The following SPAG8 variants were observed in gnomAD, a reference collection of about 807,000 sequenced individuals.
The protein encoded by SPAG8 is sperm-associated antigen 8.
SPAG8 carries 36 observed loss-of-function variants against 45.3 expected under a neutral mutation model. The ratio of observed to expected loss-of-function variants is 0.80; its 90% confidence interval spans 0.61 to 1.05. SPAG8 has a LOEUF of 1.05. SPAG8 is among the 50% of genes least tolerant of loss of function. SPAG8 has a pLI of 0.00. For synonymous variants in SPAG8, 227 were observed against 232.6 expected (o/e 0.98, Z 0.22); for missense variants, 573 against 609.2 (o/e 0.94, Z 0.63).
chr9:35,808,635 C>T (rs747265881), downstream of SPAG8: 118 of 1,614,140 alleles, frequency 7.3e-5, 2 homozygotes, highest in South Asian at 9.4e-4. The surrounding 1 kb of genome is among the most constrained non-coding windows in gnomAD (Gnocchi z 4.0). Flanking sequence ...CTTTCGCATC[C>T]GCCACCGACC....
chr9:35,811,076 A>G lies in SPAG8; in HGVS notation c.865-19T>C. On this transcript the variant is annotated intron_variant, in intron 2 of 6. Transcript: ENST00000396638. ...TGGCTCTCTGTGGATCCCAAGTTGA[A>G]TGACTATAATATCCCTTCTGGTACC... The G allele has an allele frequency of 6.2e-7, 1 of 1,608,784 alleles. No homozygotes were observed. The highest frequency in any genetic ancestry group is 1.1e-5 in the South Asian group (1 of 90,302).
downstream of SPAG8, chr9:35,808,570 G>A (rs1423543656): frequency 2.5e-6 from 4 of 1,613,988 alleles, no homozygotes; most frequent in South Asian, 1.1e-5. The surrounding 1 kb of genome is among the most constrained non-coding windows in gnomAD (Gnocchi z 4.0). Flanking sequence ...AATGGTCAAC[G>A]CCATGCACCA....
chr9:35,810,363 C>G (rs1828715493), intron 5 of SPAG8, 54 bp from the exon 6 acceptor site: 2 of 1,606,030 alleles, frequency 1.2e-6, no homozygotes, highest in South Asian at 1.1e-5. Flanking sequence ...CTCTCAACCT[C>G]TGGGCTTGGT....
chr9:35,809,910 T>C lies in SPAG8; in HGVS notation c.*28A>G. On this transcript the variant is annotated 3_prime_UTR_variant, in exon 7 of 7. Coordinates refer to ENST00000396638, the MANE Select transcript of SPAG8 (RefSeq NM_001039592.2). This position sits in a 1 kb window ranked among gnomAD's most constrained non-coding sequence, Gnocchi z 4.1. Reference sequence around the variant, plus strand: ...AGTGCAGACAGAAATAGATTCCATATTCCATACCCCACTTCCCTCCTCACC... The same window carrying C: ...AGTGCAGACAGAAATAGATTCCATACTCCATACCCCACTTCCCTCCTCACC... 1.3e-6 allele frequency: 2 copies of C among 1,546,148 alleles called. No homozygotes were observed. The highest frequency in any genetic ancestry group is 1.7e-6 in the Non-Finnish European group (2 of 1,151,280).
chr9:35,810,101 G>A lies in SPAG8; in HGVS notation c.1295C>T (p.Pro432Leu). Reference protein sequence around the residue: ...GVSNIRTLDTPFRKNCSFSTP... With the variant: ...GVSNIRTLDTLFRKNCSFSTP... Reference sequence around the variant, plus strand: ...TGAGAAGCTGCAGTTCTTCCGGAATGGTGTGTCCAATGTCCTGATGTTACT... The same window carrying A: ...TGAGAAGCTGCAGTTCTTCCGGAATAGTGTGTCCAATGTCCTGATGTTACT... Residue 432 changes from proline (P) to leucine (L), a missense_variant, in exon 7 of 7, where the codon CCA becomes CTA. Transcript: ENST00000396638. 6.2e-7 allele frequency: 1 copy of A among 1,612,238 alleles called. No homozygotes were observed. Among genetic ancestry groups the A allele is most frequent in the African/African-American group, 1.3e-5 (1 of 75,018 alleles).
downstream of SPAG8, chr9:35,809,062 T>C (rs540758082): frequency 2.4e-6 from 3 of 1,241,910 alleles, no homozygotes; most frequent in East Asian, 6.9e-5. The surrounding 1 kb of genome is among the most constrained non-coding windows in gnomAD (Gnocchi z 4.1). Flanking sequence ...CAGGGATGGT[T>C]GGTCGGGCAC....
rs1178329813 is a variant in SPAG8, at chr9:35,811,205, G to A, written c.841C>T (p.Leu281Phe). The A allele has an allele frequency of 3.2e-6, 5 of 1,577,848 alleles. No individual in the cohort carries two copies. In the South Asian group the frequency reaches 4.7e-5, roughly 15 times the overall value. Residue 281 changes from leucine to phenylalanine, a missense_variant, in exon 2 of 7, where the codon CTC (leucine) becomes TTC (phenylalanine). By Grantham distance (22) the Leu-to-Phe change is conservative (BLOSUM62 0). Coordinates refer to ENST00000396638, the MANE Select transcript of SPAG8 (RefSeq NM_001039592.2). ...ACCTCTTCCTCCCAGTTGTAGAGGA[G>A]GCACTGGCCCCGCGGCAAAGTTTCA... is the stretch of plus-strand genomic sequence containing the variant. ...CYETLPRGQC[L>F]LYNWEEERAT...
chr9:35,811,723 T>C lies in SPAG8; in HGVS notation c.323A>G (p.His108Arg). Residue 108 changes from histidine (H) to arginine (R), a missense_variant, in exon 2 of 7, where the codon CAT becomes CGT. By Grantham distance (29) the His-to-Arg change is conservative. Coordinates refer to ENST00000396638, the MANE Select transcript of SPAG8 (RefSeq NM_001039592.2). Reference sequence around the variant, plus strand: ...GACGGGCTCAAAGCCAAGACTCCCATGGGCTATATTGTGGGTAAAGCCGGG... The same window carrying C: ...GACGGGCTCAAAGCCAAGACTCCCACGGGCTATATTGTGGGTAAAGCCGGG... ...AGPGFTHNIA[H>R]GSLGFEPVYV... is the part of the protein sequence containing the mutation. 1 of 1,614,224 alleles carries C rather than the reference T, an allele frequency of 6.2e-7. No homozygotes were observed.
At chr9:35,809,607 CCCTGTACATATA>C, downstream of SPAG8, 1 of 1,228,406 alleles carries the variant, frequency 8.1e-7, no homozygotes, top group Non-Finnish European at 1.2e-6. This position sits in a 1 kb window ranked among gnomAD's most constrained non-coding sequence, Gnocchi z 4.1. Flanking sequence ...TGCAGCTCAG[CCCTGTACATATA>C]CCTGTCCCTC....
downstream of SPAG8, chr9:35,809,311 A>G: frequency 6.2e-7 from 1 of 1,610,326 alleles, no homozygotes; most frequent in Admixed American, 1.7e-5. This position sits in a 1 kb window ranked among gnomAD's most constrained non-coding sequence, Gnocchi z 4.1. Context: ...TGGGAATCAT[A>G]GGGAAAGAGA....
At position 35,809,989 on chromosome 9, in the gene SPAG8, G is replaced by A. The variant is rs777726250; in HGVS notation, c.1407C>T (p.Pro469=). The stretch of plus-strand genomic sequence containing the variant: ...CACCACCCAGCCTTCCTCCGGGACA[G>A]GGAAGGGAAGATATTTCTCCCAATT... ...PYQLGEISSL[P]CPGGRLGGGG... Residue 469 remains proline, a synonymous_variant, in exon 7 of 7, where the codon CCC becomes CCT. Transcript: ENST00000396638. This position sits in a 1 kb window ranked among gnomAD's most constrained non-coding sequence, Gnocchi z 4.1. The A allele has an allele frequency of 6.2e-7, 1 of 1,608,264 alleles. No homozygotes were observed. Among genetic ancestry groups the A allele is most frequent in the Non-Finnish European group, 8.5e-7 (1 of 1,176,968 alleles).
chr9:35,812,133 C>G lies in SPAG8; in HGVS notation c.15G>C (p.Glu5Asp). ...ACCGCGACCGCGATCCCTCCGTAGA[C>G]TCGTTGGTCTCCATCTTCAGACTCC... METN[E>D]STEGSRSRSR... The change falls in exon 1 of 7, where the codon GAG (glutamate) becomes GAC (aspartate). Residue 5 changes from glutamate (E) to aspartate (D), a missense_variant. Glu to Asp is a conservative substitution (Grantham distance 45, BLOSUM62 2). Transcript: ENST00000396638. 1 of 1,607,322 alleles carries G rather than the reference C, an allele frequency of 6.2e-7. No individual in the cohort carries two copies. Among genetic ancestry groups the G allele is most frequent in the South Asian group, 1.1e-5 (1 of 91,084 alleles).
Position 35,811,893 on chromosome 9 carries a change from A to AGCT in SPAG8, c.150_152dup (p.Ala55dup). 1 of 1,610,248 alleles carries AGCT rather than the reference A, an allele frequency of 6.2e-7. No individual in the cohort carries two copies. The highest frequency in any genetic ancestry group is 8.5e-7 in the Non-Finnish European group (1 of 1,177,240). On this transcript the variant is annotated inframe_insertion, in exon 2 of 7. Transcript: ENST00000396638. ...CTGCAGCAGCTGATGCAGCCGCTGC[A>AGCT]GCTGCTGCGGTTGCAGCTGCCAGGG...
At chr9:35,808,268 C>A (rs777632416), downstream of SPAG8, 2 of 1,614,100 alleles carry the variant, frequency 1.2e-6, no homozygotes, top group Non-Finnish European at 1.7e-6. This position sits in a 1 kb window ranked among gnomAD's most constrained non-coding sequence, Gnocchi z 4.0. Flanking sequence ...ACAGGGTGTT[C>A]ATTCATTCCG....
At chr9:35,808,368 C>G (rs1361858625), downstream of SPAG8, 13 of 1,414,812 alleles carry the variant, frequency 9.2e-6, no homozygotes, top group South Asian at 4.7e-5. This position sits in a 1 kb window ranked among gnomAD's most constrained non-coding sequence, Gnocchi z 4.0. Context: ...GACTCAGGAC[C>G]ATGGCACTTA....
chr9:35,809,458 TC>T, downstream of SPAG8: 1 of 1,614,142 alleles, frequency 6.2e-7, no homozygotes, highest in Middle Eastern at 1.6e-4. The surrounding 1 kb of genome is among the most constrained non-coding windows in gnomAD (Gnocchi z 4.1). Context: ...CCCCATTCTT[TC>T]CAAGTCAGAT....
In SPAG8 at chr9:35,810,289, C is replaced by T; in HGVS notation, c.1221G>A (p.Glu407=). 1 of 1,614,212 alleles carries T rather than the reference C, an allele frequency of 6.2e-7. No homozygotes were observed. Among genetic ancestry groups the T allele is most frequent in the South Asian group, 1.1e-5 (1 of 91,090 alleles). The part of the protein sequence containing the change: ...APTKPHDYRQ[E]QPETFWIQRA... ...TCTGTATCCAGAAGGTCTCAGGTTG[C>T]TCCTGGCGGTAGTCGTGAGGCTGTG... Residue 407 remains glutamate (E), a synonymous_variant, in exon 6 of 7, where the codon GAG becomes GAA. Transcript: ENST00000396638.
At chr9:35,812,075 A>G (rs1299954724) in intron 1 of SPAG8, 29 bp downstream of exon 1, 1 of 1,612,264 alleles carries the variant, frequency 6.2e-7, no homozygotes, top group Non-Finnish European at 8.5e-7. Context: ...TCGTCCCCTT[A>G]TGCCTGCAGC....
chr9:35,809,265 G>A (rs376400348), downstream of SPAG8: 8 of 1,612,910 alleles, frequency 5.0e-6, no homozygotes, highest in Non-Finnish European at 5.1e-6. The surrounding 1 kb of genome is among the most constrained non-coding windows in gnomAD (Gnocchi z 4.1). Context: ...CAGGCCATGG[G>A]GAGGGGGGCA....
Sources: gnomAD v4.1 joint callset for allele counts on GRCh38, gnomAD v4.1.1 for gene constraint, Gnocchi (gnomAD v3.1) non-coding constraint, MANE v1.5 for transcripts, NCBI Gene and HGNC (gene_info 2026-07-23, HGNC 2026-07-21) for gene names.